Variants in AUTS2 observed in about 807,000 individuals in gnomAD.
AUTS2 encodes the protein autism susceptibility gene 2 protein.
A neutral mutation model predicts 112.4 loss-of-function variants in AUTS2; 17 were observed. That is an observed-to-expected ratio of 0.15 (90% CI 0.10 to 0.23). The LOEUF (loss-of-function observed/expected upper bound fraction) is 0.23, where lower values mean the gene tolerates loss of function less well. Among genes scored for constraint, AUTS2 ranks in the 10% least tolerant of loss-of-function variants. AUTS2 has a pLI of 1.00. For synonymous variants in AUTS2, 751 were observed against 702.7 expected, an observed-to-expected ratio of 1.07 and a Z score of -1.09; for missense variants, 1,510 against 1,701.6, an observed-to-expected ratio of 0.89 and a Z score of 1.98.
chr7:70,545,129 A>G (rs62455787), intron 5 of AUTS2, among the ~76,000 whole-genome samples: 24,148 of 152,194 alleles, frequency 0.16, 2,140 homozygotes, highest in Non-Finnish European at 0.18. Context: ...TTTCAAGTCT[A>G]GAAGAACTGT....
At chr7:69,783,441 A>C (rs1011072586) in intron 1 of AUTS2, among the ~76,000 whole-genome samples, 2 of 152,026 alleles carry the variant, frequency 1.3e-5, no homozygotes, top group African/African-American at 4.8e-5. Context: ...CAGCTGGCAG[A>C]TTTCCCACTG....
At chr7:70,605,546 C>CTTTTTTTTTTTTTTTTTTTTTTTT in intron 5 of AUTS2, among the ~76,000 whole-genome samples, 25 of 70,660 alleles carry the variant, frequency 3.5e-4, no homozygotes, top group African/African-American at 4.0e-4. Flanking sequence ...CCTTCTTTCT[C>CTTTTTTTTTTTTTTTTTTTTTTTT]TTTTTTTTTT....
intron 2 of AUTS2, among the ~76,000 whole-genome samples, chr7:69,913,516 C>T (rs1022461429): frequency 1.3e-5 from 2 of 152,116 alleles, no homozygotes; most frequent in African/African-American, 4.8e-5. Context: ...CCTCGAGGAC[C>T]TCACTGTGTG....
At chr7:70,339,933 T>G (rs1173997288) in intron 4 of AUTS2, among the ~76,000 whole-genome samples, 1 of 152,060 alleles carries the variant, frequency 6.6e-6, no homozygotes, top group African/African-American at 2.4e-5. Context: ...ACTAAGGAGA[T>G]TTGAGAGTGC....
intron 1 of AUTS2, among the ~76,000 whole-genome samples, chr7:69,848,670 G>T (rs1288607759): frequency 6.6e-6 from 1 of 152,114 alleles, no homozygotes. Context: ...ATATTTGTTG[G>T]ATTACATTTG....
chr7:70,297,005 CTTTTT>C (rs556668116), intron 4 of AUTS2, among the ~76,000 whole-genome samples: 14 of 118,226 alleles, frequency 1.2e-4, no homozygotes, highest in Non-Finnish European at 1.8e-4. Context: ...TAATGCCTGA[CTTTTT>C]TTTTTTTTTT....
intron 4 of AUTS2, among the ~76,000 whole-genome samples, chr7:70,311,842 A>G (rs1789768802): frequency 6.6e-6 from 1 of 151,984 alleles, no homozygotes; most frequent in Non-Finnish European, 1.5e-5. Flanking sequence ...TCAGCTTCCC[A>G]AGTAGCTGGG....
chr7:69,818,223 CCGT>C (rs1790844077), intron 1 of AUTS2, among the ~76,000 whole-genome samples: 1 of 152,148 alleles, frequency 6.6e-6, no homozygotes, highest in Non-Finnish European at 1.5e-5. Context: ...CCCGCTGAAG[CCGT>C]CTTTTCCTCA....
chr7:69,606,327 A>G (rs1236500838), intron 1 of AUTS2, among the ~76,000 whole-genome samples: 1 of 148,510 alleles, frequency 6.7e-6, no homozygotes, highest in East Asian at 2.0e-4. Flanking sequence ...ACACAACAAT[A>G]GTTGAGGCTA....
At chr7:70,679,776 A>G (rs554305196) in intron 5 of AUTS2, among the ~76,000 whole-genome samples, 27 of 152,326 alleles carry the variant, frequency 1.8e-4, no homozygotes, top group African/African-American at 6.0e-4. Flanking sequence ...GCAAAGCCCA[A>G]CTTAGAATTT....
At chr7:70,726,343 T>TTAA (rs533365119) in intron 6 of AUTS2, among the ~76,000 whole-genome samples, 2 of 148,304 alleles carry the variant, frequency 1.3e-5, no homozygotes, top group Non-Finnish European at 3.0e-5. Context: ...TGGCATTTCT[T>TTAA]AAAAAAAAAA....
intron 4 of AUTS2, among the ~76,000 whole-genome samples, chr7:70,409,733 G>C (rs1794695857): frequency 6.6e-6 from 1 of 152,158 alleles, no homozygotes; most frequent in Non-Finnish European, 1.5e-5. Context: ...CAGAGACATT[G>C]TTATTTTTCA....
At chr7:70,537,116 T>G (rs1047761987) in intron 5 of AUTS2, among the ~76,000 whole-genome samples, 1 of 152,098 alleles carries the variant, frequency 6.6e-6, no homozygotes, top group African/African-American at 2.4e-5. Context: ...TTTCAGACAT[T>G]TATATGTTGG....
At chr7:70,256,142 T>C (rs1180793292) in intron 4 of AUTS2, among the ~76,000 whole-genome samples, 3 of 152,208 alleles carry the variant, frequency 2.0e-5, no homozygotes, top group Non-Finnish European at 4.4e-5. Context: ...AGTAATCTAG[T>C]ACGAGTCCCT....
At position 70,610,548 on chromosome 7, in the gene AUTS2, A is replaced by AC. The variant is rs558905403; in HGVS notation, c.691-88020dup. On this transcript the variant is annotated intron_variant, in intron 5 of 18. Coordinates refer to ENST00000342771, the MANE Select transcript of AUTS2 (RefSeq NM_015570.4). ...CCTCCTGGGCTCAGGCTTTCCCCCC[A>AC]CTTCAGCCACCCAAGTAGCTGGGAT... 2.6e-3 allele frequency among the ~76,000 whole-genome samples: 364 copies of AC among 138,042 alleles called. 1 individual carries two copies. The highest frequency in any genetic ancestry group is 9.3e-3 in the African/African-American group (338 of 36,312). 90.6% of individuals were successfully genotyped at this position (138,042 alleles called of 152,430 possible). A position where few individuals can be genotyped will look rare whatever the true frequency, so the allele number is the denominator to read the frequency against.
intron 4 of AUTS2, among the ~76,000 whole-genome samples, chr7:70,348,957 A>G (rs984226062): frequency 6.6e-6 from 1 of 152,230 alleles, no homozygotes; most frequent in African/African-American, 2.4e-5. Context: ...GAAAATAAAG[A>G]ACAATATTAG....
chr7:69,923,687 CTA>C (rs1795901398), intron 2 of AUTS2, among the ~76,000 whole-genome samples: 1 of 152,050 alleles, frequency 6.6e-6, no homozygotes, highest in African/African-American at 2.4e-5. Flanking sequence ...AGATTTATTC[CTA>C]TGTGTTTCAT....
chr7:70,484,785 A>T (rs762140655), intron 5 of AUTS2, among the ~76,000 whole-genome samples: 1 of 152,218 alleles, frequency 6.6e-6, no homozygotes, highest in Non-Finnish European at 1.5e-5. Flanking sequence ...TATCTCCACC[A>T]TGTTATTATT....
chr7:70,380,873 T>C (rs1214014320), intron 4 of AUTS2, among the ~76,000 whole-genome samples: 1 of 152,208 alleles, frequency 6.6e-6, no homozygotes, highest in Non-Finnish European at 1.5e-5. Flanking sequence ...TAGCCTGAAA[T>C]AGAACAGCCT....
Sources: gnomAD v4.1 joint callset for allele counts (sites outside exome capture counted in the v4.1 genomes callset) on GRCh38, gnomAD v4.1.1 for gene constraint, MANE v1.5 for transcripts, NCBI Gene and HGNC (gene_info 2026-07-23, HGNC 2026-07-21) for gene names.